PSD3: variants seen among roughly 807,000 people sequenced by gnomAD.
PSD3 encodes PH and SEC7 domain-containing protein 3.
PSD3 carries 49 observed loss-of-function variants against 105.5 expected under a neutral mutation model. The ratio of observed to expected loss-of-function variants is 0.46; its 90% confidence interval spans 0.37 to 0.59. The LOEUF is 0.59. Among genes scored for constraint, PSD3 ranks in the 20% least tolerant of loss-of-function variants. PSD3 has a pLI of 0.00. For missense variants in PSD3, 1,561 were observed against 1,263.8 expected (o/e 1.24, Z -3.57); for synonymous variants, 557 against 457.8 (o/e 1.22, Z -2.77).
intron 9 of PSD3, among the ~76,000 whole-genome samples, chr8:18,664,978 C>T (rs1799364538): frequency 2.6e-5 from 4 of 152,172 alleles, no homozygotes; most frequent in Admixed American, 2.6e-4. Context: ...GGATTCCTTT[C>T]AAAATGTTAC....
At chr8:18,901,464 T>G (rs1819498666) in intron 2 of PSD3, among the ~76,000 whole-genome samples, 1 of 152,208 alleles carries the variant, frequency 6.6e-6, no homozygotes, top group Admixed American at 6.5e-5. Context: ...CTTGTTATTT[T>G]GTTAATTTGT....
chr8:18,936,218 CAT>C, intron 1 of PSD3, 76 bp from the exon 2 acceptor site: 1 of 942,532 alleles, frequency 1.1e-6, no homozygotes, highest in Non-Finnish European at 1.7e-6. Context: ...AATTATCCAA[CAT>C]GAGATTGGTA....
chr8:18,965,507 A>C (rs1824182638), intron 1 of PSD3, among the ~76,000 whole-genome samples: 1 of 152,180 alleles, frequency 6.6e-6, no homozygotes, highest in South Asian at 2.1e-4. Context: ...GTGAGAAAGG[A>C]CCCATGCCCG....
intron 11 of PSD3, among the ~76,000 whole-genome samples, chr8:18,624,558 G>C (rs1806345736): frequency 1.1e-5 from 1 of 89,494 alleles, no homozygotes; most frequent in Non-Finnish European, 2.0e-5. Context: ...AGGGGGGAGG[G>C]ATAGCATTAG....
intron 9 of PSD3, among the ~76,000 whole-genome samples, chr8:18,751,164 C>G (rs939262888): frequency 2.6e-5 from 4 of 152,182 alleles, no homozygotes; most frequent in African/African-American, 9.6e-5. Flanking sequence ...GCATGGCGGG[C>G]TGCAGGTCCC....
chr8:18,976,170 T>C (rs1019233463), intron 1 of PSD3, among the ~76,000 whole-genome samples: 3 of 145,130 alleles, frequency 2.1e-5, no homozygotes, highest in African/African-American at 4.9e-5. Flanking sequence ...TTGCAATGCA[T>C]AGGAGAATTC....
At chr8:18,842,272 A>G (rs1814689808) in intron 4 of PSD3, among the ~76,000 whole-genome samples, 1 of 152,250 alleles carries the variant, frequency 6.6e-6, no homozygotes, top group Non-Finnish European at 1.5e-5. Context: ...GCAGCTGAAG[A>G]CTGCACAGTT....
intron 11 of PSD3, among the ~76,000 whole-genome samples, chr8:18,629,947 G>A (rs1323729357): frequency 6.6e-6 from 1 of 151,760 alleles, no homozygotes; most frequent in Admixed American, 6.6e-5. Flanking sequence ...ATTGAAATGG[G>A]GATATCCAGG....
chr8:18,625,968 T>C (rs979230848), intron 11 of PSD3, among the ~76,000 whole-genome samples: 5 of 152,152 alleles, frequency 3.3e-5, no homozygotes, highest in Admixed American at 1.3e-4. Context: ...TTACATCATA[T>C]TGAGAAAACT....
chr8:18,906,717 G>C (rs978982258), intron 2 of PSD3, among the ~76,000 whole-genome samples: 2 of 152,126 alleles, frequency 1.3e-5, no homozygotes, highest in Admixed American at 6.5e-5. Context: ...TTAAAACTCA[G>C]ATTTAGAAAT....
chr8:18,687,759 G>GAT (rs1800742109), intron 9 of PSD3, among the ~76,000 whole-genome samples: 1 of 151,952 alleles, frequency 6.6e-6, no homozygotes, highest in Non-Finnish European at 1.5e-5. Context: ...ATGGAAGCAT[G>GAT]ATATATATTT....
intron 8 of PSD3, among the ~76,000 whole-genome samples, chr8:18,777,970 C>A (rs1024163875): frequency 3.9e-5 from 6 of 152,066 alleles, no homozygotes; most frequent in Non-Finnish European, 8.8e-5. Flanking sequence ...ACCGTAAATG[C>A]CAAGATTTCA....
intron 9 of PSD3, among the ~76,000 whole-genome samples, chr8:18,716,168 G>A (rs1422770135): frequency 1.3e-5 from 2 of 152,146 alleles, no homozygotes; most frequent in African/African-American, 2.4e-5. Flanking sequence ...GTATTAAACA[G>A]TTGATTGCTG....
At chr8:18,925,220 C>G (rs1257401155) in intron 2 of PSD3, among the ~76,000 whole-genome samples, 1 of 152,252 alleles carries the variant, frequency 6.6e-6, no homozygotes, top group East Asian at 1.9e-4. Context: ...AACCCCATCT[C>G]TACAAAACAT....
At chr8:18,569,529 T>C (rs1010516921) in intron 14 of PSD3, among the ~76,000 whole-genome samples, 2 of 134,774 alleles carry the variant, frequency 1.5e-5, no homozygotes, top group Admixed American at 1.6e-4. Flanking sequence ...ATAAAATACC[T>C]AGGAATCCAA....
intron 9 of PSD3, among the ~76,000 whole-genome samples, chr8:18,741,869 G>C (rs1804608572): frequency 6.9e-6 from 1 of 144,216 alleles, no homozygotes; most frequent in South Asian, 2.2e-4. Flanking sequence ...GTTGCAAACA[G>C]AATAAAAAAG....
At chr8:18,567,815 T>G (rs777696862) in intron 14 of PSD3, among the ~76,000 whole-genome samples, 1 of 152,158 alleles carries the variant, frequency 6.6e-6, no homozygotes, top group Non-Finnish European at 1.5e-5. Context: ...GGTTATCCAA[T>G]GATATAGTTT....
intron 1 of PSD3, among the ~76,000 whole-genome samples, chr8:18,967,838 T>A (rs1382395226): frequency 6.6e-6 from 1 of 152,208 alleles, no homozygotes; most frequent in Non-Finnish European, 1.5e-5. Flanking sequence ...TGACGGAAGA[T>A]ACAGGCTTCT....
chr8:18,757,225 G>A (rs1301217703), intron 9 of PSD3, among the ~76,000 whole-genome samples: 4 of 151,052 alleles, frequency 2.6e-5, no homozygotes, highest in East Asian at 1.9e-4. Flanking sequence ...GGCCGAGGTG[G>A]GTGGATCATT....
Sources: gnomAD v4.1 joint callset for allele counts (sites outside exome capture counted in the v4.1 genomes callset) on GRCh38, gnomAD v4.1.1 for gene constraint, MANE v1.5 for transcripts, NCBI Gene and HGNC (gene_info 2026-07-23, HGNC 2026-07-21) for gene names.